Variants in SASH1 observed in about 807,000 individuals in gnomAD.
SASH1 encodes the protein SAM and SH3 domain containing 1, also known as SAM and SH3 domain-containing protein 1.
A neutral mutation model predicts 125.2 loss-of-function variants in SASH1; 44 were observed. The observed-to-expected ratio is 0.35, with a 90% CI of 0.28 to 0.45. SASH1 has a LOEUF of 0.45. Among genes scored for constraint, SASH1 ranks in the 20% least tolerant of loss-of-function variants. SASH1 has a pLI of 1.00. For synonymous variants in SASH1, 639 were observed against 649.1 expected (o/e 0.98, Z 0.24); for missense variants, 1,426 against 1,614.5 (o/e 0.88, Z 2.00).
At position 148,361,945 on chromosome 6, in the gene SASH1, A is replaced by G. The variant is rs1299689178; in HGVS notation, c.156+18722A>G. ...TTTTTTTTTTTTGAGACAGAGTCTC[A>G]CTCTGTCGCCCAGGCTGGAGTGCAG... On this transcript the variant is annotated intron_variant, in intron 1 of 19. Coordinates refer to ENST00000367467, the MANE Select transcript of SASH1 (RefSeq NM_015278.5). Among the ~76,000 whole-genome samples the G allele has an allele frequency of 2.9e-4, 36 of 123,024 alleles. 1 individual carries two copies. The highest frequency in any genetic ancestry group is 1.4e-3 in the East Asian group (6 of 4,390). 80.7% of individuals were successfully genotyped at this position (123,024 alleles called of 152,430 possible). A position where few individuals can be genotyped will look rare whatever the true frequency, so the allele number is the denominator to read the frequency against.
chr6:148,285,494 A>T (rs1238987122), intron 1 of SASH1, among the ~76,000 whole-genome samples: 2 of 152,184 alleles, frequency 1.3e-5, no homozygotes, highest in Admixed American at 6.5e-5. Context: ...GCTAGAGAAC[A>T]CTTTACAGGT....
At chr6:148,362,070 C>T (rs748489353) in intron 1 of SASH1, among the ~76,000 whole-genome samples, 4 of 149,338 alleles carry the variant, frequency 2.7e-5, no homozygotes, top group East Asian at 2.0e-4. Flanking sequence ...CCCACAACCA[C>T]GCCCAGCTAT....
At chr6:148,304,306 G>T (rs1433179208) in intron 1 of SASH1, among the ~76,000 whole-genome samples, 2 of 152,098 alleles carry the variant, frequency 1.3e-5, no homozygotes, top group African/African-American at 4.8e-5. Context: ...GTGGTGGTGG[G>T]CACCTGTAGT....
At chr6:148,451,743 A>G (rs1419676082) in intron 4 of SASH1, among the ~76,000 whole-genome samples, 1 of 152,214 alleles carries the variant, frequency 6.6e-6, no homozygotes, top group Non-Finnish European at 1.5e-5. Context: ...CATGCTGTGG[A>G]ATTATCAGTC....
chr6:148,460,112 C>T (rs1001664621), intron 4 of SASH1, among the ~76,000 whole-genome samples: 2 of 152,160 alleles, frequency 1.3e-5, no homozygotes, highest in Admixed American at 6.6e-5. Context: ...GTTTAGTTAC[C>T]TACAACCTCC....
At chr6:148,284,636 A>G (rs1779435609) in intron 1 of SASH1, among the ~76,000 whole-genome samples, 1 of 152,224 alleles carries the variant, frequency 6.6e-6, no homozygotes, top group Non-Finnish European at 1.5e-5. Flanking sequence ...CACTTAAAAT[A>G]TTATCAAATG....
At chr6:148,364,553 C>G (rs911382546) in intron 1 of SASH1, among the ~76,000 whole-genome samples, 2 of 152,078 alleles carry the variant, frequency 1.3e-5, no homozygotes, top group Non-Finnish European at 2.9e-5. Context: ...GTCCTGAGCA[C>G]GTTTAGAGTT....
At position 148,544,897 on chromosome 6, in the gene SASH1, T is replaced by C. The variant is rs1474171241; in HGVS notation, c.3348+79T>C. 4.2e-6 allele frequency: 6 copies of C among 1,414,094 alleles called. No individual in the cohort carries two copies. In the East Asian group the frequency reaches 1.5e-4, roughly 35 times the overall value. The allele number at this position is 1,414,094 out of a possible 1,614,324, so 87.6% of individuals were successfully genotyped here. A position where few individuals can be genotyped will look rare whatever the true frequency, so the allele number is the denominator to read the frequency against. ...GGCAGCCAGGTGAGATGAACCCACA[T>C]CTGAAGCCAGCCCGGTAGCCCGCCC... On this transcript the variant is annotated intron_variant, in intron 18 of 19. Coordinates refer to ENST00000367467, the MANE Select transcript of SASH1 (RefSeq NM_015278.5). The surrounding 1 kb of genome is among the most constrained non-coding windows in gnomAD (Gnocchi z 6.4).
At chr6:148,449,457 G>A (rs928784340) in intron 4 of SASH1, among the ~76,000 whole-genome samples, 2 of 150,118 alleles carry the variant, frequency 1.3e-5, no homozygotes, top group Non-Finnish European at 3.0e-5. Context: ...GTGCAATCTC[G>A]GCTCACTGCA....
chr6:148,546,024 T>A lies in SASH1; in HGVS notation c.3358T>A (p.Cys1120Ser). The A allele has an allele frequency of 6.2e-6, 10 of 1,613,582 alleles. No homozygotes were observed. The highest frequency in any genetic ancestry group is 8.5e-6 in the Non-Finnish European group (10 of 1,179,850). Reference sequence around the variant, plus strand: ...CTGTTCTCCCTGGCAGCATGGCCGCTGTGGGATTCCTGAAGCCCTGGTGCA... The same window carrying A: ...CTGTTCTCCCTGGCAGCATGGCCGCAGTGGGATTCCTGAAGCCCTGGTGCA... ...EEPYSDKHGR[C>S]GIPEALVQRY... The change falls in exon 19 of 20, where the codon TGT becomes AGT. Residue 1120 changes from cysteine (C) to serine (S), a missense_variant. Cys to Ser is a moderately radical substitution (Grantham distance 112). Transcript: ENST00000367467.
chr6:148,257,282 A>G, the SASH1 span, among the ~76,000 whole-genome samples: 10 of 152,274 alleles, frequency 6.6e-5, no homozygotes, highest in African/African-American at 2.2e-4. Flanking sequence ...TCTCTGGCAC[A>G]TGGTTAGGGC....
At chr6:148,451,936 T>G (rs1336381252) in intron 4 of SASH1, among the ~76,000 whole-genome samples, 1 of 152,090 alleles carries the variant, frequency 6.6e-6, no homozygotes, top group Non-Finnish European at 1.5e-5. Flanking sequence ...GGAGCATGTG[T>G]GTGTGCCCTG....
chr6:148,202,981 A>G, the SASH1 span, among the ~76,000 whole-genome samples: 278 of 152,318 alleles, frequency 1.8e-3, no homozygotes, highest in Non-Finnish European at 3.3e-3. Context: ...AAAACAGAAA[A>G]GAAAGAATAT....
chr6:148,283,365 G>C (rs1252561820), intron 1 of SASH1: 1 of 152,358 alleles, frequency 6.6e-6, no homozygotes, highest in African/African-American at 2.4e-5. Flanking sequence ...TTCCAGAGCA[G>C]TCAGGCTGGG....
chr6:148,227,885 A>T, the SASH1 span, among the ~76,000 whole-genome samples: 2 of 152,188 alleles, frequency 1.3e-5, no homozygotes, highest in African/African-American at 4.8e-5. Context: ...AAGAGGTTTG[A>T]TCATGTCATA....
intron 6 of SASH1, among the ~76,000 whole-genome samples, chr6:148,473,274 A>T (rs979944528): frequency 4.6e-5 from 7 of 152,124 alleles, no homozygotes; most frequent in Admixed American, 3.3e-4. Context: ...TTGTCTTCAG[A>T]TGGAGTCTTG....
intron 1 of SASH1, among the ~76,000 whole-genome samples, chr6:148,274,467 A>G (rs763940696): frequency 9.9e-5 from 15 of 152,244 alleles, no homozygotes; most frequent in African/African-American, 2.2e-4. Flanking sequence ...AAACTCTGTC[A>G]TGGGACTATG....
At chr6:148,201,682 G>A in the SASH1 span, among the ~76,000 whole-genome samples, 1 of 152,194 alleles carries the variant, frequency 6.6e-6, no homozygotes, top group Non-Finnish European at 1.5e-5. Flanking sequence ...TGCCCAGAAG[G>A]CTCCTGGGGC....
At chr6:148,496,014 T>G (rs1779296581) in intron 8 of SASH1, among the ~76,000 whole-genome samples, 1 of 151,800 alleles carries the variant, frequency 6.6e-6, no homozygotes, top group Non-Finnish European at 1.5e-5. Context: ...TTTTTTTTTT[T>G]TTTTGTATTT....
Sources: gnomAD v4.1 joint callset for allele counts (sites outside exome capture counted in the v4.1 genomes callset) on GRCh38, gnomAD v4.1.1 for gene constraint, Gnocchi (gnomAD v3.1) non-coding constraint, MANE v1.5 for transcripts, NCBI Gene and HGNC (gene_info 2026-07-23, HGNC 2026-07-21) for gene names.